The following ANK2 variants were observed in gnomAD, a reference collection of about 807,000 sequenced individuals.
The protein encoded by ANK2 is ankyrin 2.
In ANK2, 83 loss-of-function variants were observed where a neutral mutation model predicts 360.5. That is an observed-to-expected ratio of 0.23 (90% CI 0.19 to 0.28). ANK2 has a LOEUF of 0.28. Ranked by LOEUF, ANK2 falls within the 10% of genes least tolerant of loss-of-function variation. The pLI is 1.00. For synonymous variants in ANK2, 1,740 were observed against 1,759.5 expected, an observed-to-expected ratio of 0.99 and a Z score of 0.28; for missense variants, 4,201 against 4,795.7, an observed-to-expected ratio of 0.88 and a Z score of 3.66.
chr4:112,813,430 A>G (rs563659335), upstream of ANK2, among the ~76,000 whole-genome samples: 3 of 152,242 alleles, frequency 2.0e-5, no homozygotes, highest in Non-Finnish European at 2.9e-5. Flanking sequence ...ATAAAAATCA[A>G]TGTGGACAAG....
At chr4:113,348,994 A>G (rs1387316083) in intron 36 of ANK2, among the ~76,000 whole-genome samples, 1 of 152,148 alleles carries the variant, frequency 6.6e-6, no homozygotes, top group East Asian at 1.9e-4. Context: ...TCCTTAGACT[A>G]TATCATAATG....
In ANK2 at chr4:113,145,797, A is replaced by C. The variant is rs980386688; in HGVS notation, c.85-28619A>C. 8.7e-6 allele frequency: 11 copies of C among 1,263,086 alleles called. No individual in the cohort carries two copies. The African/African-American group carries it at 1.1e-4, about 12-fold the overall frequency. The allele number at this position is 1,263,086 out of a possible 1,614,324, so 78.2% of individuals were successfully genotyped here. A position where few individuals can be genotyped will look rare whatever the true frequency, so the allele number is the denominator to read the frequency against. On this transcript the variant is annotated intron_variant, in intron 1 of 45. Coordinates refer to ENST00000357077, the MANE Select transcript of ANK2 (RefSeq NM_001148.6). ...CTTGATGAATTGCCCACATTAGTGT[A>C]CCCCTGGGAGCCCTGGACAGAGTGC... is the stretch of plus-strand genomic sequence containing the variant.
At chr4:113,305,339 C>CAAAAAAAAAAAA (rs10667489) in intron 23 of ANK2, among the ~76,000 whole-genome samples, 1 of 96,994 alleles carries the variant, frequency 1.0e-5, no homozygotes, top group African/African-American at 4.2e-5. Context: ...GACTCCGTCT[C>CAAAAAAAAAAAA]AAAAAAAAAA....
At chr4:113,173,749 G>T (rs2153224426) in intron 1 of ANK2, among the ~76,000 whole-genome samples, 1 of 152,216 alleles carries the variant, frequency 6.6e-6, no homozygotes, top group African/African-American at 2.4e-5. Context: ...TTTACCAAAA[G>T]ATTTTAGTCT....
intron 7 of ANK2, among the ~76,000 whole-genome samples, chr4:113,238,539 T>G (rs1242842976): frequency 6.6e-6 from 1 of 152,204 alleles, no homozygotes; most frequent in African/African-American, 2.4e-5. Flanking sequence ...CTTGGTGAAC[T>G]TGTTCACAAC....
intron 2 of ANK2, among the ~76,000 whole-genome samples, chr4:113,191,828 A>C (rs1223365296): frequency 1.3e-5 from 2 of 152,182 alleles, no homozygotes; most frequent in Non-Finnish European, 2.9e-5. Flanking sequence ...CCTATTGTTT[A>C]GGACTGGAGA....
At chr4:112,831,705 C>G (rs910346560) in intron 1 of ANK2, among the ~76,000 whole-genome samples, 15 of 152,160 alleles carry the variant, frequency 9.9e-5, no homozygotes, top group African/African-American at 2.9e-4. Context: ...TTTTTTCGCT[C>G]TTCACAATAA....
chr4:112,885,391 C>T (rs1265829721), intron 1 of ANK2, among the ~76,000 whole-genome samples: 2 of 151,090 alleles, frequency 1.3e-5, no homozygotes, highest in African/African-American at 2.4e-5. Flanking sequence ...CCCAGTTACT[C>T]GGGAGGCTGA....
intron 14 of ANK2, among the ~76,000 whole-genome samples, chr4:113,266,264 T>C (rs772564985): frequency 1.3e-5 from 2 of 152,202 alleles, no homozygotes; most frequent in African/African-American, 2.4e-5. Context: ...GCTTCATCCA[T>C]GTCCTGCAAA....
chr4:112,799,062 C>A, the ANK2 span, among the ~76,000 whole-genome samples: 1 of 152,168 alleles, frequency 6.6e-6, no homozygotes, highest in Non-Finnish European at 1.5e-5. Flanking sequence ...TAAATGGAGT[C>A]ACACTATTTG....
chr4:113,111,254 A>G (rs2094264446), intron 1 of ANK2, among the ~76,000 whole-genome samples: 1 of 152,198 alleles, frequency 6.6e-6, no homozygotes, highest in African/African-American at 2.4e-5. Context: ...GGTTTATCCA[A>G]ATGACACATC....
intron 1 of ANK2, among the ~76,000 whole-genome samples, chr4:113,064,029 T>TTTG (rs773544495): frequency 9.2e-5 from 14 of 152,152 alleles, no homozygotes; most frequent in Non-Finnish European, 4.4e-5. Context: ...AAGACATTTT[T>TTTG]TTGTTGTTGT....
chr4:113,241,624 G>A (rs2039991525), intron 8 of ANK2, among the ~76,000 whole-genome samples: 1 of 152,190 alleles, frequency 6.6e-6, no homozygotes, highest in Non-Finnish European at 1.5e-5. Context: ...ACAGACATGA[G>A]CCACCATGCC....
intron 2 of ANK2, among the ~76,000 whole-genome samples, chr4:113,024,895 A>G (rs2058937670): frequency 6.6e-6 from 1 of 152,186 alleles, no homozygotes; most frequent in Admixed American, 6.5e-5. Flanking sequence ...TTTTAGATAA[A>G]TAAAAAGAAG....
intron 1 of ANK2, among the ~76,000 whole-genome samples, chr4:112,874,662 A>G (rs914189765): frequency 2.4e-4 from 36 of 151,422 alleles, no homozygotes; most frequent in African/African-American, 7.0e-4. Context: ...AAAAAAAAAA[A>G]AAAGTGTGAA....
rs550681475 is a variant in ANK2, at chr4:113,311,384, G to C, written c.2678G>C (p.Gly893Ala). The C allele has an allele frequency of 6.2e-7, 1 of 1,614,126 alleles. No individual in the cohort carries two copies. The highest frequency in any genetic ancestry group is 2.2e-5 in the East Asian group (1 of 44,870). ...GMNYLRYSLE[G>A]GRSDSLRSFS... ...AATTACCTGCGATACAGCTTGGAGG[G>C]AGGACGATCTGACAGGTATCTCATA... The change falls in exon 24 of 46, where the codon GGA becomes GCA. Residue 893 changes from glycine to alanine, a missense_variant. By Grantham distance (60) the Gly-to-Ala change is moderately conservative. This residue lies in a region of ANK2 where 1,268 missense variants were observed against 1,650.8 expected (regional missense o/e 0.77). Coordinates refer to ENST00000357077, the MANE Select transcript of ANK2 (RefSeq NM_001148.6).
At chr4:113,003,003 T>A (rs1342758832) in intron 2 of ANK2, among the ~76,000 whole-genome samples, 1 of 152,238 alleles carries the variant, frequency 6.6e-6, no homozygotes, top group Non-Finnish European at 1.5e-5. Flanking sequence ...TATGCAACCA[T>A]CTGCCATGGG....
chr4:113,038,096 C>A (rs751549082), intron 2 of ANK2, among the ~76,000 whole-genome samples: 1 of 151,470 alleles, frequency 6.6e-6, no homozygotes, highest in Non-Finnish European at 1.5e-5. Flanking sequence ...TTTTAATTAT[C>A]TTTTTTTTGT....
intron 37 of ANK2, chr4:113,350,565 G>T: frequency 3.5e-6 from 1 of 287,558 alleles, no homozygotes; most frequent in Non-Finnish European, 6.6e-6. Flanking sequence ...CCATTTGTTA[G>T]CAAAACACTG....
Sources: allele counts gnomAD v4.1 joint callset (sites outside exome capture counted in the v4.1 genomes callset), GRCh38; gene constraint gnomAD v4.1.1; regional missense constraint gnomAD v4.1.1; transcripts MANE v1.5; gene names NCBI Gene and HGNC (gene_info 2026-07-23, HGNC 2026-07-21).